The following TMC7 variants were observed in gnomAD, a reference collection of about 807,000 sequenced individuals.
The protein encoded by TMC7 is transmembrane channel like 7.
Under a neutral mutation model 82.9 loss-of-function variants are expected in TMC7, and 54 were observed. The observed-to-expected ratio is 0.65, with a 90% CI of 0.52 to 0.82. TMC7 has a LOEUF of 0.82. Ranked by LOEUF, TMC7 falls within the 40% of genes least tolerant of loss-of-function variation. TMC7 has a pLI of 0.00. For synonymous variants in TMC7, 350 were observed against 337.9 expected (o/e 1.04, Z -0.39); for missense variants, 820 against 901.2 (o/e 0.91, Z 1.15).
chr16:19,047,979 G>A (rs1168282684), intron 12 of TMC7, among the ~76,000 whole-genome samples: 3 of 152,080 alleles, frequency 2.0e-5, no homozygotes, highest in Non-Finnish European at 2.9e-5. Context: ...GATTACAGGC[G>A]TGAGCCACCG....
At chr16:18,993,858 A>G (rs12449097) in intron 1 of TMC7, among the ~76,000 whole-genome samples, 143,149 of 152,094 alleles carry the variant, frequency 0.94, 67,547 homozygotes, top group Non-Finnish European at 0.98. Flanking sequence ...CCTGCTGAGA[A>G]GTAGTGGAGG....
At position 19,059,779 on chromosome 16, in the gene TMC7, C is replaced by T. The variant is rs1276670053; in HGVS notation, c.2106+285C>T. On this transcript the variant is annotated intron_variant, in intron 15 of 15. Transcript: ENST00000304381. Reference sequence around the variant, plus strand: ...ATTACTTGAGCTCAGGAGTTCAAGACCAGCCTGGCCAACATGGTGAAACCC... The same window carrying T: ...ATTACTTGAGCTCAGGAGTTCAAGATCAGCCTGGCCAACATGGTGAAACCC... 4 of 1,046,364 alleles carry T rather than the reference C, an allele frequency of 3.8e-6. No individual in the cohort carries two copies. In the African/African-American group the frequency reaches 6.4e-5, roughly 17 times the overall value. 64.8% of individuals were successfully genotyped at this position (1,046,364 alleles called of 1,614,324 possible).
Position 19,059,969 on chromosome 16 carries a change from T to C in TMC7, c.2106+475T>C, listed in dbSNP as rs140699263. 1,489 of 326,806 alleles carry C rather than the reference T, an allele frequency of 4.6e-3. 26 individuals carry two copies. The highest frequency in any genetic ancestry group is 0.029 in the African/African-American group (1,403 of 47,624). 20.2% of individuals were successfully genotyped at this position (326,806 alleles called of 1,614,324 possible). On this transcript the variant is annotated intron_variant, in intron 15 of 15. Coordinates refer to ENST00000304381, the MANE Select transcript of TMC7 (RefSeq NM_024847.4). The stretch of plus-strand genomic sequence containing the variant: ...TCCAGCCTGGGTGACAGAGTGAGAC[T>C]CCATCTTAAAAATAAAAATAAAAAA...
chr16:19,006,803 G>C (rs887989664), intron 1 of TMC7, among the ~76,000 whole-genome samples: 1 of 151,804 alleles, frequency 6.6e-6, no homozygotes, highest in East Asian at 1.9e-4. Context: ...TGCCCCAGGG[G>C]TTTTTTTTGT....
rs893713539 is a variant in TMC7, at chr16:19,029,586, G to A, written c.712-638G>A. Among the ~76,000 whole-genome samples, 14 of 151,712 alleles carry A rather than the reference G, an allele frequency of 9.2e-5. No individual in the cohort carries two copies. In the South Asian group the frequency reaches 1.5e-3, roughly 16 times the overall value. On this transcript the variant is annotated intron_variant, in intron 5 of 15. Coordinates refer to ENST00000304381, the MANE Select transcript of TMC7 (RefSeq NM_024847.4). ...ATAGGGATCTCTCTGTGTTGCCCAG[G>A]CTTGTCTGAAACTCCTGGGCTCAAG...
At position 19,047,139 on chromosome 16, in the gene TMC7, G is replaced by A. The variant is rs757161639; in HGVS notation, c.1630G>A (p.Val544Ile). 28 of 1,613,898 alleles carry A rather than the reference G, an allele frequency of 1.7e-5. No homozygotes were observed. The highest frequency in any genetic ancestry group is 1.6e-4 in the Middle Eastern group (1 of 6,084). The change falls in exon 12 of 16, where the codon GTC becomes ATC. Residue 544 changes from valine to isoleucine, a missense_variant. Around this residue, in one of 2 missense-constraint regions of TMC7, gnomAD observed 170 missense variants for 231.3 expected, o/e 0.74. Coordinates refer to ENST00000304381, the MANE Select transcript of TMC7 (RefSeq NM_024847.4). The stretch of plus-strand genomic sequence containing the variant: ...GCAGGAGTTTGCCATTCCTGATAAC[G>A]TCCTGGGGATAGTTTACGGGCAAAC... The part of the protein sequence containing the change: ...GQQEFAIPDN[V>I]LGIVYGQTIC...
chr16:19,037,991 G>T lies in TMC7; in HGVS notation c.1123G>T (p.Ala375Ser), dbSNP rs1256185866. Reference sequence around the variant, plus strand: ...CTGTATTGTTCTGGCTGTTTTAGGGGCATGCTTTTATGCAATATACGTAGC... The same window carrying T: ...CTGTATTGTTCTGGCTGTTTTAGGGTCATGCTTTTATGCAATATACGTAGC... ...LNCIVLAVLG[A>S]CFYAIYVATV... The change falls in exon 8 of 16, where the codon GCA (alanine) becomes TCA (serine). Residue 375 changes from alanine (A) to serine (S), a missense_variant. Ala to Ser is a moderately conservative substitution (Grantham distance 99, BLOSUM62 1). Transcript: ENST00000304381. The T allele has an allele frequency of 6.2e-7, 1 of 1,614,054 alleles. No homozygotes were observed. The highest frequency in any genetic ancestry group is 1.7e-5 in the Admixed American group (1 of 59,988).
At chr16:19,000,927 A>G (rs12925268) in intron 1 of TMC7, among the ~76,000 whole-genome samples, 47,001 of 151,806 alleles carry the variant, frequency 0.31, 7,498 homozygotes, top group Non-Finnish European at 0.35. Flanking sequence ...GGCTGAGGCC[A>G]GAGGATTGCT....
Position 19,040,401 on chromosome 16 carries a change from A to G in TMC7, c.1292A>G (p.Tyr431Cys). 6.2e-7 allele frequency: 1 copy of G among 1,613,564 alleles called. No individual in the cohort carries two copies. ...TPMIFAKIIR[Y>C]EDYSPGFEIR... ...ATGATCTTTGCCAAGATCATCCGCT[A>G]TGAGGATTATTCTCCAGGCTTTGAG... Residue 431 changes from tyrosine (Y) to cysteine (C), a missense_variant, in exon 9 of 16, where the codon TAT (tyrosine) becomes TGT (cysteine). Physicochemically the swap from Tyr to Cys is radical, Grantham distance 194 (BLOSUM62 -2). Coordinates refer to ENST00000304381, the MANE Select transcript of TMC7 (RefSeq NM_024847.4).
intron 15 of TMC7, among the ~76,000 whole-genome samples, chr16:19,061,464 T>G (rs1450438269): frequency 6.6e-6 from 1 of 151,736 alleles, no homozygotes; most frequent in Non-Finnish European, 1.5e-5. Flanking sequence ...TTTGTATTTT[T>G]AGTAGAGATG....
Position 19,035,761 on chromosome 16 carries a change from T to A in TMC7, c.943T>A (p.Phe315Ile). The A allele has an allele frequency of 6.2e-7, 1 of 1,613,568 alleles. No homozygotes were observed. The highest frequency in any genetic ancestry group is 8.5e-7 in the Non-Finnish European group (1 of 1,179,730). ...YCNKIFAGWD[F>I]CITNRSMADL... ...CAACAAGATATTTGCCGGCTGGGAC[T>A]TCTGCATCACTAACCGCAGCATGGC... The change falls in exon 7 of 16, where the codon TTC becomes ATC. Residue 315 changes from phenylalanine to isoleucine, a missense_variant. Around this residue, in one of 2 missense-constraint regions of TMC7, gnomAD observed 650 missense variants for 669.9 expected, o/e 0.97. Coordinates refer to ENST00000304381, the MANE Select transcript of TMC7 (RefSeq NM_024847.4).
At chr16:19,023,635 C>T (rs1279581379) in intron 5 of TMC7, among the ~76,000 whole-genome samples, 5 of 151,924 alleles carry the variant, frequency 3.3e-5, no homozygotes, top group Admixed American at 6.6e-5. Context: ...TTAGTAGAGA[C>T]GGAGTTTCAC....
chr16:18,997,585 G>T (rs569099174), intron 1 of TMC7, among the ~76,000 whole-genome samples: 1 of 152,062 alleles, frequency 6.6e-6, no homozygotes, highest in African/African-American at 2.4e-5. Context: ...GGCCAGGCTG[G>T]TCTCCAACTC....
intron 13 of TMC7, among the ~76,000 whole-genome samples, chr16:19,052,549 A>G (rs1446639045): frequency 6.6e-6 from 1 of 152,112 alleles, no homozygotes; most frequent in Non-Finnish European, 1.5e-5. Flanking sequence ...GCGGTGGCTC[A>G]CACCTGTAAT....
intron 11 of TMC7, 57 bp from the exon 12 acceptor site, chr16:19,047,006 A>T: frequency 1.4e-6 from 2 of 1,441,090 alleles, no homozygotes; most frequent in Admixed American, 4.3e-5. Flanking sequence ...TCTTTGTGAT[A>T]TGGTTCTGTG....
In TMC7 at chr16:19,047,070, G is replaced by A. The variant is rs1290941496; in HGVS notation, c.1561G>A (p.Val521Met). 6.2e-7 allele frequency: 1 copy of A among 1,606,286 alleles called. No homozygotes were observed. The highest frequency in any genetic ancestry group is 1.7e-5 in the Admixed American group (1 of 58,240). Residue 521 changes from valine (V) to methionine (M), a missense_variant, in exon 12 of 16, where the codon GTG becomes ATG. Around this residue, in one of 2 missense-constraint regions of TMC7, gnomAD observed 650 missense variants for 669.9 expected, o/e 0.97. Transcript: ENST00000304381. ...LFVDFPRKLL[V>M]TYCSSCKLIQ... ...AGAATTGTCTGTTTCCAGGCTCCTG[G>A]TGACCTACTGTTCCTCTTGCAAGCT...
chr16:18,986,801 T>C (rs1184180001), intron 1 of TMC7, among the ~76,000 whole-genome samples: 4 of 151,806 alleles, frequency 2.6e-5, no homozygotes, highest in African/African-American at 9.7e-5. Context: ...TGGACTCCTC[T>C]TGGTTCTTTT....
At chr16:18,988,685 T>G (rs1277039506) in intron 1 of TMC7, among the ~76,000 whole-genome samples, 3 of 152,202 alleles carry the variant, frequency 2.0e-5, no homozygotes, top group Non-Finnish European at 2.9e-5. Context: ...CTTGGCCTCC[T>G]GGAGCACTTG....
intron 15 of TMC7, among the ~76,000 whole-genome samples, chr16:19,060,789 A>AT (rs11390744): frequency 0.36 from 49,362 of 137,630 alleles, 9,155 homozygotes; most frequent in African/African-American, 0.44. Flanking sequence ...TCTACTGTGC[A>AT]TTTTTTTTTT....
Sources: gnomAD v4.1 joint callset for allele counts (sites outside exome capture counted in the v4.1 genomes callset) on GRCh38, gnomAD v4.1.1 for gene constraint, gnomAD v4.1.1 regional missense constraint, MANE v1.5 for transcripts, NCBI Gene and HGNC (gene_info 2026-07-23, HGNC 2026-07-21) for gene names.